The following MAP3K11 variants were observed in gnomAD, a reference collection of about 807,000 sequenced individuals.
MAP3K11 encodes SH3 domain-containing proline-rich kinase.
A neutral mutation model predicts 84.9 loss-of-function variants in MAP3K11; 46 were observed. The ratio of observed to expected loss-of-function variants is 0.54; its 90% confidence interval spans 0.43 to 0.69. The LOEUF (loss-of-function observed/expected upper bound fraction) is 0.69. Among genes scored for constraint, MAP3K11 ranks in the 30% least tolerant of loss-of-function variants. The pLI, the probability that MAP3K11 is intolerant of heterozygous loss-of-function variation, is 0.00. For missense variants in MAP3K11, 1,053 were observed against 1,198.3 expected, an observed-to-expected ratio of 0.88 and a Z score of 1.79; for synonymous variants, 527 against 514.7, an observed-to-expected ratio of 1.02 and a Z score of -0.32.
At chr11:65,608,512 GGGA>G in intron 1 of MAP3K11, 64 bp from the exon 2 acceptor site, 1 of 1,508,134 alleles carries the variant, frequency 6.6e-7, no homozygotes, top group Non-Finnish European at 9.2e-7. Context: ...GGTAAGAGCT[GGGA>G]GCAAACTCAT....
rs147249960 is a variant in MAP3K11 at position 65,607,755 on chromosome 11, C to G, written c.1131G>C (p.Glu377Asp). The G allele has an allele frequency of 5.5e-5, 89 of 1,613,638 alleles. No individual in the cohort carries two copies. The highest frequency in any genetic ancestry group is 7.4e-5 in the Non-Finnish European group (87 of 1,179,894). Reference protein sequence around the residue: ...PDFASILQQLEALEAQVLREM... With the variant: ...PDFASILQQLDALEAQVLREM... The stretch of plus-strand genomic sequence containing the variant: ...CCCGTAGGACCTGTGCCTCCAGCGC[C>G]TCCAACTGCTGCAGGATGGAGGCGA... The change falls in exon 4 of 10, where the codon GAG becomes GAC. Residue 377 changes from glutamate to aspartate, a missense_variant. Around this residue, in one of 3 missense-constraint regions of MAP3K11, gnomAD observed 310 missense variants for 464.5 expected, o/e 0.67. Transcript: ENST00000309100.
chr11:65,609,910 G>A (rs1319901891), intron 1 of MAP3K11: 2 of 152,350 alleles, frequency 1.3e-5, no homozygotes, highest in African/African-American at 4.8e-5. Context: ...CCTGGGCCTT[G>A]AGGAGGCATC....
Position 65,607,325 on chromosome 11 carries a change from G to C in MAP3K11, c.1434C>G (p.Phe478Leu). ...RPHVRRRRGT[F>L]KRSKLRARDG... ...CGCGCGCCCGGAGCTTGCTGCGCTT[G>C]AATGTCCCGCGGCGGCGGCGCACGT... Residue 478 changes from phenylalanine to leucine, a missense_variant, in exon 5 of 10, where the codon TTC becomes TTG. Phe to Leu is a conservative substitution (Grantham distance 22). This residue lies in a region of MAP3K11 where 583 missense variants were observed against 566.6 expected (regional missense o/e 1.03). Transcript: ENST00000309100. 4 of 1,519,436 alleles carry C rather than the reference G, an allele frequency of 2.6e-6. No homozygotes were observed. The highest frequency in any genetic ancestry group is 2.6e-6 in the Non-Finnish European group (3 of 1,142,714). 94.1% of individuals were successfully genotyped at this position (1,519,436 alleles called of 1,614,324 possible). A position where few individuals can be genotyped will look rare whatever the true frequency, so the allele number is the denominator to read the frequency against.
chr11:65,599,337 C>T, intron 9 of MAP3K11, 57 bp downstream of exon 9: 1 of 1,482,720 alleles, frequency 6.7e-7, no homozygotes. Flanking sequence ...GCCACTCCTC[C>T]CTCCCTGGGA....
Position 65,613,759 on chromosome 11 carries a change from C to G in MAP3K11, c.-3G>C. On this transcript the variant is annotated 5_prime_UTR_variant, in exon 1 of 10. Coordinates refer to ENST00000309100, the MANE Select transcript of MAP3K11 (RefSeq NM_002419.4). Reference sequence around the variant, plus strand: ...AAGAGGCTCTTCAAGGGCTCCATGGCCGGGAGCCGGCGCTGGGATGTGTGG... The same window carrying G: ...AAGAGGCTCTTCAAGGGCTCCATGGGCGGGAGCCGGCGCTGGGATGTGTGG... 6.5e-7 allele frequency: 1 copy of G among 1,540,928 alleles called. No homozygotes were observed.
At chr11:65,602,859 A>G (rs1227865689) in intron 8 of MAP3K11, among the ~76,000 whole-genome samples, 1 of 151,872 alleles carries the variant, frequency 6.6e-6, no homozygotes, top group African/African-American at 2.4e-5. Flanking sequence ...TCACACCTGT[A>G]ATGCCAGCAC....
chr11:65,612,483 TGAGGCTCC>T (rs1460558762), intron 1 of MAP3K11: 1 of 152,694 alleles, frequency 6.5e-6, no homozygotes, highest in Admixed American at 6.5e-5. Context: ...ATTCTGAAAT[TGAGGCTCC>T]GAGTTGGAGT....
intron 6 of MAP3K11, chr11:65,606,426 A>G: frequency 2.4e-6 from 1 of 425,022 alleles, no homozygotes; most frequent in African/African-American, 2.1e-5. Context: ...ATAACTACCA[A>G]ATAGAATTAT....
At chr11:65,603,064 T>C (rs1311642036) in intron 8 of MAP3K11, among the ~76,000 whole-genome samples, 1 of 151,780 alleles carries the variant, frequency 6.6e-6, no homozygotes. Context: ...GATCATGCCA[T>C]TGCAGTCCAG....
At chr11:65,610,704 G>A (rs1854562629) in intron 1 of MAP3K11, 1 of 152,278 alleles carries the variant, frequency 6.6e-6, no homozygotes, top group South Asian at 2.1e-4. Flanking sequence ...CTAGCCACTT[G>A]TGGCACCCCA....
In MAP3K11 at chr11:65,598,531, C is replaced by T. The variant is rs1240055474; in HGVS notation, c.2304G>A (p.Arg768=). The change falls in exon 10 of 10, where the codon CGG becomes CGA. Residue 768 remains arginine (R), a synonymous_variant. Transcript: ENST00000309100. Reference sequence around the variant, plus strand: ...CAATGCGGCTGCGAAGGGGCGAGGGCCGAGGTCGGCTGATGAGGCCCAGGG... The same window carrying T: ...CAATGCGGCTGCGAAGGGGCGAGGGTCGAGGTCGGCTGATGAGGCCCAGGG... ...SPPLGLISRP[R]PSPLRSRIDP... The T allele has an allele frequency of 3.1e-6, 5 of 1,612,370 alleles. No individual in the cohort carries two copies. Among genetic ancestry groups the T allele is most frequent in the Non-Finnish European group, 4.2e-6 (5 of 1,179,260 alleles).
chr11:65,598,385 G>A lies in MAP3K11; in HGVS notation c.2450C>T (p.Pro817Leu), dbSNP rs1406876432. 1.3e-6 allele frequency: 2 copies of A among 1,561,200 alleles called. No individual in the cohort carries two copies. Among genetic ancestry groups the A allele is most frequent in the Non-Finnish European group, 1.7e-6 (2 of 1,149,708 alleles). Reference protein sequence around the residue: ...PDSDPFWDSPPANPFQGGPQD... With the variant: ...PDSDPFWDSPLANPFQGGPQD... ...GGGGCCCCCCTGGAAGGGGTTGGCA[G>A]GTGGGGAGTCCCAGAAGGGGTCTGA... Residue 817 changes from proline (P) to leucine (L), a missense_variant, in exon 10 of 10, where the codon CCT (proline) becomes CTT (leucine). Pro to Leu is a moderately conservative substitution (Grantham distance 98, BLOSUM62 -3). Coordinates refer to ENST00000309100, the MANE Select transcript of MAP3K11 (RefSeq NM_002419.4).
Position 65,599,715 on chromosome 11 carries a change from CG to C in MAP3K11, c.1884del (p.Ala629GlnfsTer12). The C allele has an allele frequency of 1.3e-6, 2 of 1,584,808 alleles. No individual in the cohort carries two copies. Reference sequence around the variant, plus strand: ...GTCCCAGAGCTGCTACCGCGCTCTGCGGGGACAGGCCTCTTGGGCTCCTCGG... The same window carrying C: ...GTCCCAGAGCTGCTACCGCGCTCTGCGGGACAGGCCTCTTGGGCTCCTCGG... ...LEPEEPKRPVPAERGSSSGTP... is the reference protein window; with the variant it reads ...LEPEEPKRPVXAERGSSSGTP... On this transcript the variant is annotated frameshift_variant, in exon 9 of 10. Coordinates refer to ENST00000309100, the MANE Select transcript of MAP3K11 (RefSeq NM_002419.4). LOFTEE classifies it high-confidence loss of function.
In MAP3K11 at chr11:65,599,512, G is replaced by C. The variant is rs563384057; in HGVS notation, c.2088C>G (p.Ile696Met). ...CPTEPPPSPL[I>M]CFSLKTPDSP... is the part of the protein sequence containing the mutation. ...AGTCGGGCGTCTTGAGCGAGAAGCA[G>C]ATGAGCGGGGAAGGGGGCGGCTCGG... The change falls in exon 9 of 10, where the codon ATC becomes ATG. Residue 696 changes from isoleucine to methionine, a missense_variant. Physicochemically the swap from Ile to Met is conservative, Grantham distance 10. Around this residue, in one of 3 missense-constraint regions of MAP3K11, gnomAD observed 583 missense variants for 566.6 expected, o/e 1.03. Coordinates refer to ENST00000309100, the MANE Select transcript of MAP3K11 (RefSeq NM_002419.4). 22 of 1,495,680 alleles carry C rather than the reference G, an allele frequency of 1.5e-5. 1 individual carries two copies. The South Asian group carries it at 2.9e-4, about 20-fold the overall frequency. The allele number at this position is 1,495,680 out of a possible 1,614,324, so 92.7% of individuals were successfully genotyped here.
rs1854432848 is a variant in MAP3K11, at chr11:65,599,702, C to T, written c.1898G>A (p.Ser633Asn). 1 of 1,576,894 alleles carries T rather than the reference C, an allele frequency of 6.3e-7. No homozygotes were observed. The highest frequency in any genetic ancestry group is 8.6e-7 in the Non-Finnish European group (1 of 1,168,888). Residue 633 changes from serine (S) to asparagine (N), a missense_variant, in exon 9 of 10, where the codon AGC (serine) becomes AAC (asparagine). Physicochemically the swap from Ser to Asn is conservative, Grantham distance 46. This residue lies in a region of MAP3K11 where 583 missense variants were observed against 566.6 expected (regional missense o/e 1.03). Transcript: ENST00000309100. Reference protein sequence around the residue: ...PKRPVPAERGSSSGTPKLIQR... With the variant: ...PKRPVPAERGNSSGTPKLIQR... ...GATCAGCTTGGGCGTCCCAGAGCTG[C>T]TACCGCGCTCTGCGGGGACAGGCCT...
chr11:65,607,166 C>G (rs1854519284), intron 5 of MAP3K11, 104 bp downstream of exon 5: 3 of 1,362,524 alleles, frequency 2.2e-6, no homozygotes, highest in Admixed American at 3.7e-5. Flanking sequence ...CACGGGCCCA[C>G]CCACAACACC....
At chr11:65,599,840 T>C in intron 8 of MAP3K11, 72 bp from the exon 9 acceptor site, 1 of 1,504,052 alleles carries the variant, frequency 6.6e-7, no homozygotes, top group Non-Finnish European at 9.0e-7. Context: ...GACCTCTCCG[T>C]GGTCTTGGAA....
chr11:65,605,768 T>A lies in MAP3K11; in HGVS notation c.1824A>T (p.Ala608=). The stretch of plus-strand genomic sequence containing the variant: ...GGGAGGAAGGCCACTCACCATTGAG[T>A]GCTGGGGGTGTGGAAGGAGATCCTA... The part of the protein sequence containing the change: ...SPLGSPSTPP[A]LNGNPPRPSL... The change falls in exon 8 of 10, where the codon GCA becomes GCT. Residue 608 remains alanine (A), a synonymous_variant. Transcript: ENST00000309100. 1 of 1,607,838 alleles carries A rather than the reference T, an allele frequency of 6.2e-7. No homozygotes were observed. The highest frequency in any genetic ancestry group is 1.3e-5 in the African/African-American group (1 of 74,566).
intron 1 of MAP3K11, chr11:65,611,751 G>A (rs564656181): frequency 6.6e-6 from 1 of 152,446 alleles, no homozygotes; most frequent in Non-Finnish European, 1.5e-5. Context: ...TTTCTGGAAA[G>A]AAAACGGAGG....
Sources: allele counts gnomAD v4.1 joint callset (sites outside exome capture counted in the v4.1 genomes callset), GRCh38; gene constraint gnomAD v4.1.1; regional missense constraint gnomAD v4.1.1; transcripts MANE v1.5; gene names NCBI Gene and HGNC (gene_info 2026-07-23, HGNC 2026-07-21).